Variants in CDK17 observed in about 807,000 individuals in gnomAD.
CDK17 encodes cyclin dependent kinase 17.
CDK17 carries 24 observed loss-of-function variants against 77.6 expected under a neutral mutation model. The observed-to-expected ratio is 0.31, with a 90% CI of 0.22 to 0.44. The LOEUF is 0.44. CDK17 is among the 20% of genes least tolerant of loss of function. The pLI, the probability that CDK17 is intolerant of heterozygous loss-of-function variation, is 1.00. For synonymous variants in CDK17, 203 were observed against 210.4 expected (o/e 0.96, Z 0.30); for missense variants, 429 against 622.5 (o/e 0.69, Z 3.31).
chr12:96,308,565 C>T (rs995079127), intron 5 of CDK17, among the ~76,000 whole-genome samples: 1 of 151,652 alleles, frequency 6.6e-6, no homozygotes, highest in African/African-American at 2.4e-5. Context: ...CACATCTCTA[C>T]TAAAAATACA....
At chr12:96,393,354 CAAAAAAAAAA>C (rs10633197) in intron 1 of CDK17, among the ~76,000 whole-genome samples, 3 of 43,344 alleles carry the variant, frequency 6.9e-5, no homozygotes, top group East Asian at 1.3e-3. Flanking sequence ...GGCTCCGCCT[CAAAAAAAAAA>C]AAAAAAAAAA....
At position 96,360,846 on chromosome 12, in the gene CDK17, G is replaced by GT. The variant is rs1191442345; in HGVS notation, c.-29-25982dup. On this transcript the variant is annotated intron_variant, in intron 1 of 16. Transcript: ENST00000261211. ...GCAAAGGCCTAGTATTCTGACCAGT[G>GT]TATTAGGCAGGGTTCAGTCAAGAGA... Among the ~76,000 whole-genome samples, 60 of 152,176 alleles carry GT rather than the reference G, an allele frequency of 3.9e-4. 1 individual carries two copies. The highest frequency in any genetic ancestry group is 4.4e-5 in the Non-Finnish European group (3 of 68,036).
chr12:96,334,717 A>G lies in CDK17; in HGVS notation c.118+2T>C. The G allele has an allele frequency of 6.6e-7, 1 of 1,514,936 alleles. No homozygotes were observed. Among genetic ancestry groups the G allele is most frequent in the Non-Finnish European group, 9.2e-7 (1 of 1,092,242 alleles). 93.8% of individuals were successfully genotyped at this position (1,514,936 alleles called of 1,614,324 possible). A position where few individuals can be genotyped will look rare whatever the true frequency, so the allele number is the denominator to read the frequency against. The stretch of plus-strand genomic sequence containing the variant: ...GCATCTCCCCCTATGCCAAATATTT[A>G]CCATTATCCTTGCTGCTGTTTTCTT... On this transcript the variant is annotated splice_donor_variant, in intron 2 of 16. Transcript: ENST00000261211. LOFTEE classifies it high-confidence loss of function.
intron 15 of CDK17, chr12:96,281,866 A>G (rs945821214): frequency 6.6e-6 from 1 of 152,242 alleles, no homozygotes; most frequent in Non-Finnish European, 1.5e-5. Context: ...GAGAATAGGA[A>G]ATTAATGAAA....
intron 1 of CDK17, among the ~76,000 whole-genome samples, chr12:96,364,029 T>C (rs192368088): frequency 3.3e-5 from 5 of 152,374 alleles, no homozygotes; most frequent in Admixed American, 6.5e-5. Context: ...TGTACTCTTA[T>C]ACACGTAACT....
At chr12:96,292,273 A>G (rs1952334804) in intron 10 of CDK17, among the ~76,000 whole-genome samples, 1 of 152,164 alleles carries the variant, frequency 6.6e-6, no homozygotes, top group South Asian at 2.1e-4. Flanking sequence ...TGAAACACTC[A>G]TATTTATTAA....
At chr12:96,294,579 G>A (rs139706111) in intron 10 of CDK17, among the ~76,000 whole-genome samples, 1 of 48,014 alleles carries the variant, frequency 2.1e-5, no homozygotes, top group African/African-American at 9.6e-5. Flanking sequence ...GCAAAATGCT[G>A]TCTTCAAAAA....
chr12:96,296,105 T>C (rs140742822), intron 9 of CDK17, among the ~76,000 whole-genome samples: 1,545 of 152,358 alleles, frequency 0.01, 46 homozygotes, highest in Admixed American at 0.061. Flanking sequence ...TGTTACACTT[T>C]GTATTTTGAA....
intron 3 of CDK17, among the ~76,000 whole-genome samples, chr12:96,317,204 T>C (rs910068277): frequency 6.7e-6 from 1 of 150,028 alleles, no homozygotes; most frequent in African/African-American, 2.5e-5. Context: ...AGAAAGGGTA[T>C]CAGCGATCGA....
intron 2 of CDK17, among the ~76,000 whole-genome samples, chr12:96,329,642 G>A (rs907823056): frequency 6.6e-6 from 1 of 152,054 alleles, no homozygotes; most frequent in African/African-American, 2.4e-5. Flanking sequence ...AACCTTTCAA[G>A]GAACTTGTGC....
rs11313631 is a variant in CDK17, at chr12:96,294,584, C to CAAAAAAAAAAAAAA, written c.997+401_997+414dup. Among the ~76,000 whole-genome samples, 8 of 54,346 alleles carry CAAAAAAAAAAAAAA rather than the reference C, an allele frequency of 1.5e-4. 1 individual carries two copies. The highest frequency in any genetic ancestry group is 1.8e-4 in the Non-Finnish European group (6 of 32,478). The allele number at this position is 54,346 out of a possible 152,430, so 35.7% of individuals were successfully genotyped here. A position where few individuals can be genotyped will look rare whatever the true frequency, so the allele number is the denominator to read the frequency against. ...GGCTTTAACAGCAAAATGCTGTCTT[C>CAAAAAAAAAAAAAA]AAAAAAAAAAAAAAAAAAAAAAAAA... On this transcript the variant is annotated intron_variant, in intron 10 of 16. Transcript: ENST00000261211.
At chr12:96,312,814 A>G (rs1952660732) in intron 4 of CDK17, among the ~76,000 whole-genome samples, 1 of 152,208 alleles carries the variant, frequency 6.6e-6, no homozygotes, top group Admixed American at 6.5e-5. Context: ...AATGTGCTTC[A>G]GAGATCAGTA....
chr12:96,378,157 G>A (rs1327748352), intron 1 of CDK17, among the ~76,000 whole-genome samples: 2 of 152,138 alleles, frequency 1.3e-5, no homozygotes, highest in African/African-American at 4.8e-5. Flanking sequence ...CTTGAAAGGT[G>A]GGGAGTTGTA....
intron 2 of CDK17, among the ~76,000 whole-genome samples, chr12:96,332,041 G>A (rs1309029436): frequency 1.3e-5 from 2 of 152,124 alleles, no homozygotes; most frequent in African/African-American, 4.8e-5. Flanking sequence ...TGCCACACCC[G>A]CTGTAACATA....
At chr12:96,361,980 T>C (rs1213531196) in intron 1 of CDK17, among the ~76,000 whole-genome samples, 1 of 152,232 alleles carries the variant, frequency 6.6e-6, no homozygotes, top group Admixed American at 6.5e-5. Context: ...GATTTTGATA[T>C]TTTTATTGCC....
intron 13 of CDK17, among the ~76,000 whole-genome samples, chr12:96,283,952 T>C (rs1952210373): frequency 6.6e-6 from 1 of 152,212 alleles, no homozygotes; most frequent in Non-Finnish European, 1.5e-5. Context: ...AAAGCTTACA[T>C]ATTGTATCAC....
chr12:96,355,253 C>T (rs1272419315), intron 1 of CDK17, among the ~76,000 whole-genome samples: 1 of 151,834 alleles, frequency 6.6e-6, no homozygotes, highest in East Asian at 1.9e-4. Context: ...GGCTCATTTC[C>T]TTATTTCCTT....
rs1435292781 is a variant in CDK17 at position 96,282,502 on chromosome 12, C to T, written c.1456+7G>A. ...AAGCAGGGAAAACACTTTAGGATTT[C>T]TCTTACTTTCTGGTAAAGCATGTAT... is the stretch of plus-strand genomic sequence containing the variant. On this transcript the variant is annotated splice_region_variant and intron_variant, in intron 15 of 16. Coordinates refer to ENST00000261211, the MANE Select transcript of CDK17 (RefSeq NM_002595.5). 1 of 1,577,416 alleles carries T rather than the reference C, an allele frequency of 6.3e-7. No individual in the cohort carries two copies. Among genetic ancestry groups the T allele is most frequent in the African/African-American group, 1.3e-5 (1 of 74,386 alleles).
chr12:96,320,767 G>A lies in CDK17; in HGVS notation c.283+3181C>T, dbSNP rs1165662806. Among the ~76,000 whole-genome samples, 407 of 125,350 alleles carry A rather than the reference G, an allele frequency of 3.2e-3. 2 individuals are homozygous for A. The highest frequency in any genetic ancestry group is 6.0e-3 in the Admixed American group (73 of 12,128). 82.2% of individuals were successfully genotyped at this position (125,350 alleles called of 152,430 possible). ...ACTGGCTAGCCATATGGAGAAAGCT[G>A]AAACTGGATCCCTTCCTTACACCTT... On this transcript the variant is annotated intron_variant, in intron 3 of 16. Transcript: ENST00000261211.
Sources: gnomAD v4.1 joint callset for allele counts (sites outside exome capture counted in the v4.1 genomes callset) on GRCh38, gnomAD v4.1.1 for gene constraint, MANE v1.5 for transcripts, NCBI Gene and HGNC (gene_info 2026-07-23, HGNC 2026-07-21) for gene names.